The following ABCA1 variants were observed in gnomAD, a reference collection of about 807,000 sequenced individuals.
ABCA1 encodes ATP binding cassette subfamily A member 1.
ABCA1 carries 133 observed loss-of-function variants against 262.5 expected under a neutral mutation model. That is an observed-to-expected ratio of 0.51 (90% confidence interval 0.44 to 0.59). ABCA1 has a LOEUF of 0.59. ABCA1 is among the 20% of genes least tolerant of loss of function. The pLI, the probability that ABCA1 is intolerant of heterozygous loss-of-function variation, is 0.00. For synonymous variants in ABCA1, 1,022 were observed against 1,043.5 expected (o/e 0.98, Z 0.40); for missense variants, 2,452 against 2,777.5 (o/e 0.88, Z 2.63).
At chr9:104,908,382 T>C (rs1233632948) in intron 1 of ABCA1, among the ~76,000 whole-genome samples, 4 of 152,166 alleles carry the variant, frequency 2.6e-5, no homozygotes, top group East Asian at 1.9e-4. Flanking sequence ...TAAATAAAAC[T>C]GGGGCTGGGC....
chr9:104,837,686 TATA>T, intron 9 of ABCA1, 119 bp from the exon 10 acceptor site: 1 of 1,200,852 alleles, frequency 8.3e-7, no homozygotes. Flanking sequence ...CTACTAGTCA[TATA>T]ATAAGTAACT....
intron 1 of ABCA1, among the ~76,000 whole-genome samples, chr9:104,926,063 G>C (rs1002805435): frequency 6.6e-6 from 1 of 152,070 alleles, no homozygotes; most frequent in African/African-American, 2.4e-5. Flanking sequence ...CTTTAACTTG[G>C]GGGAAATTTT....
chr9:104,872,643 C>T (rs995114450), intron 5 of ABCA1, among the ~76,000 whole-genome samples: 7 of 152,176 alleles, frequency 4.6e-5, no homozygotes, highest in Admixed American at 4.6e-4. Context: ...TTATCCGGTG[C>T]AACTTAGTCT....
At chr9:104,879,165 A>G (rs1474781634) in intron 5 of ABCA1, among the ~76,000 whole-genome samples, 1 of 152,156 alleles carries the variant, frequency 6.6e-6, no homozygotes, top group Non-Finnish European at 1.5e-5. Context: ...CTGCTTGACA[A>G]CTTACCCCCA....
Position 104,861,737 on chromosome 9 carries a change from A to G in ABCA1, c.485T>C (p.Leu162Pro). The G allele has an allele frequency of 6.2e-7, 1 of 1,613,786 alleles. No individual in the cohort carries two copies. The highest frequency in any genetic ancestry group is 8.5e-7 in the Non-Finnish European group (1 of 1,179,840). ...GTCCACAGTAGACTTTGGGAGAGAGAGGTTGTGATACAGGAACCCAGAGAA... is the reference window on the plus strand; with the variant it reads ...GTCCACAGTAGACTTTGGGAGAGAGGGGTTGTGATACAGGAACCCAGAGAA... ...ETFSGFLYHNLSLPKSTVDKM... is the reference protein window; with the variant it reads ...ETFSGFLYHNPSLPKSTVDKM... The change falls in exon 6 of 50, where the codon CTC becomes CCC. Residue 162 changes from leucine (L) to proline (P), a missense_variant. By Grantham distance (98) the Leu-to-Pro change is moderately conservative. This residue lies in a region of ABCA1 where 1,032 missense variants were observed against 1,089.7 expected (regional missense o/e 0.95). Transcript: ENST00000374736.
At chr9:104,909,964 G>C (rs1409877238) in intron 1 of ABCA1, among the ~76,000 whole-genome samples, 1 of 152,186 alleles carries the variant, frequency 6.6e-6, no homozygotes, top group African/African-American at 2.4e-5. Flanking sequence ...GAAAGAAAGT[G>C]CATGTATCTG....
chr9:104,847,054 C>A (rs1834955714), intron 7 of ABCA1, among the ~76,000 whole-genome samples: 1 of 152,070 alleles, frequency 6.6e-6, no homozygotes, highest in South Asian at 2.1e-4. Flanking sequence ...TACCGTTAGG[C>A]CTACAAGATG....
chr9:104,835,827 A>G (rs1414236017), intron 11 of ABCA1, among the ~76,000 whole-genome samples: 1 of 152,200 alleles, frequency 6.6e-6, no homozygotes, highest in African/African-American at 2.4e-5. Flanking sequence ...TGAAGCACCT[A>G]AGGCAAAGTC....
chr9:104,863,037 T>TC (rs1212740858), intron 5 of ABCA1, among the ~76,000 whole-genome samples: 1 of 151,940 alleles, frequency 6.6e-6, no homozygotes, highest in African/African-American at 2.4e-5. Context: ...ATACGGAATC[T>TC]CCCTAAATAA....
intron 5 of ABCA1, among the ~76,000 whole-genome samples, chr9:104,871,342 G>C (rs1929842): frequency 0.35 from 52,638 of 152,064 alleles, 11,754 homozygotes; most frequent in African/African-American, 0.64. Context: ...TCTAGCAGCA[G>C]AAACAGAATA....
chr9:104,808,927 G>A (rs2777803), intron 30 of ABCA1, among the ~76,000 whole-genome samples: 140,723 of 152,330 alleles, frequency 0.92, 65,165 homozygotes, highest in East Asian at 1. Flanking sequence ...CTCACTTAAG[G>A]GTCATATGGA....
Position 104,903,704 on chromosome 9 carries a change from G to T in ABCA1, c.-25C>A, listed in dbSNP as rs774301766. The T allele has an allele frequency of 3.2e-6, 5 of 1,565,642 alleles. No homozygotes were observed. The highest frequency in any genetic ancestry group is 3.3e-4 in the Middle Eastern group (2 of 6,008). ...TGTTCCCTCAGCCAGCACCCCCAGC[G>T]TGTGGCTCGGGAGCCCTGGAAGGCA... On this transcript the variant is annotated 5_prime_UTR_variant, in exon 2 of 50. Coordinates refer to ENST00000374736, the MANE Select transcript of ABCA1 (RefSeq NM_005502.4).
intron 17 of ABCA1, 110 bp downstream of exon 17, chr9:104,825,573 A>G: frequency 9.0e-7 from 1 of 1,111,804 alleles, no homozygotes; most frequent in Non-Finnish European, 1.4e-6. Flanking sequence ...CTATAGATCT[A>G]TAGCCCAAAC....
chr9:104,791,483 G>C (rs564828217), intron 43 of ABCA1, among the ~76,000 whole-genome samples: 1 of 149,116 alleles, frequency 6.7e-6, no homozygotes, highest in African/African-American at 2.6e-5. Flanking sequence ...CACCAGGCTG[G>C]AGTGCAGCAG....
intron 11 of ABCA1, among the ~76,000 whole-genome samples, chr9:104,835,818 G>C (rs753557408): frequency 3.9e-5 from 6 of 152,164 alleles, no homozygotes; most frequent in Admixed American, 6.5e-5. Flanking sequence ...ATGAAGAATT[G>C]AAGCACCTAA....
At chr9:104,807,385 T>G (rs1489599900) in intron 30 of ABCA1, among the ~76,000 whole-genome samples, 1 of 152,212 alleles carries the variant, frequency 6.6e-6, no homozygotes, top group Non-Finnish European at 1.5e-5. Flanking sequence ...CCCTGCTCTT[T>G]TGGGGGCTTA....
At chr9:104,888,304 AAACTGAAGTCCC>A (rs1390336700) in intron 3 of ABCA1, among the ~76,000 whole-genome samples, 1 of 152,140 alleles carries the variant, frequency 6.6e-6, no homozygotes, top group Non-Finnish European at 1.5e-5. Flanking sequence ...TAGGGCAGTG[AAACTGAAGTCCC>A]AGCTACATTT....
At chr9:104,857,730 C>T (rs1000438671) in intron 7 of ABCA1, among the ~76,000 whole-genome samples, 43 of 152,282 alleles carry the variant, frequency 2.8e-4, no homozygotes, top group African/African-American at 9.9e-4. Context: ...TAATAAGGAA[C>T]ATCTCTTTCC....
rs543561572 is a variant in ABCA1 at position 104,787,349 on chromosome 9, C to CT, written c.6205-374dup. Reference sequence around the variant, plus strand: ...TCAGTATAAGATTGGGGTGAAATTCCTTTTTTTTTTTAATTCCAGCTCACT... The same window carrying CT: ...TCAGTATAAGATTGGGGTGAAATTCCTTTTTTTTTTTTAATTCCAGCTCACT... On this transcript the variant is annotated intron_variant, in intron 46 of 49. Transcript: ENST00000374736. Among the ~76,000 whole-genome samples, 107 of 146,236 alleles carry CT rather than the reference C, an allele frequency of 7.3e-4. 1 individual carries two copies. Among genetic ancestry groups the CT allele is most frequent in the South Asian group, 5.0e-3 (23 of 4,598 alleles).
Sources: gnomAD v4.1 joint callset for allele counts (sites outside exome capture counted in the v4.1 genomes callset) on GRCh38, gnomAD v4.1.1 for gene constraint, gnomAD v4.1.1 regional missense constraint, MANE v1.5 for transcripts, NCBI Gene and HGNC (gene_info 2026-07-23, HGNC 2026-07-21) for gene names.